IFT122: variants seen among roughly 807,000 people sequenced by gnomAD.
The protein encoded by IFT122 is intraflagellar transport protein 122 homolog.
In IFT122, 118 loss-of-function variants were observed where a neutral mutation model predicts 161.6. The ratio of observed to expected loss-of-function variants is 0.73; its 90% confidence interval spans 0.63 to 0.85. The LOEUF (loss-of-function observed/expected upper bound fraction) is 0.85. IFT122 is among the 40% of genes least tolerant of loss of function. The probability of loss-of-function intolerance (pLI) is 0.00; values close to 1 mark genes in which losing one functional copy is unlikely to be tolerated. For missense variants in IFT122, 1,381 were observed against 1,579.6 expected (o/e 0.87, Z 2.13); for synonymous variants, 550 against 602.4 (o/e 0.91, Z 1.27).
At chr3:129,458,448 C>CTTGGAG in intron 3 of IFT122, 151 bp from the exon 4 acceptor site, 1 of 684,418 alleles carries the variant, frequency 1.5e-6, no homozygotes, top group Non-Finnish European at 2.6e-6. Context: ...AATATTCTGA[C>CTTGGAG]TCCAAGGTCC....
At chr3:129,476,122 T>C in intron 9 of IFT122, 193 bp from the exon 10 acceptor site, 1 of 648,904 alleles carries the variant, frequency 1.5e-6, no homozygotes, top group East Asian at 2.8e-5. Flanking sequence ...TTGGGCTGTG[T>C]AGAGGATGAG....
intron 15 of IFT122, chr3:129,484,027 G>T: frequency 2.5e-6 from 1 of 393,060 alleles, no homozygotes; most frequent in South Asian, 2.1e-5. Flanking sequence ...CCGGCAGGGT[G>T]TGTGTGTGAG....
chr3:129,516,694 GCACACACA>G (rs771398986), intron 26 of IFT122, among the ~76,000 whole-genome samples: 792 of 50,198 alleles, frequency 0.016, 35 homozygotes, highest in African/African-American at 0.077. Flanking sequence ...GATTGCTCCT[GCACACACA>G]CACACACACA....
At chr3:129,516,740 T>C (rs1578204707) in intron 26 of IFT122, among the ~76,000 whole-genome samples, 2 of 74,466 alleles carry the variant, frequency 2.7e-5, no homozygotes, top group African/African-American at 5.9e-5. Context: ...AGACTGCCCC[T>C]GCACACACAC....
Position 129,444,934 on chromosome 3 carries a change from G to C in IFT122, c.41+4563G>C, listed in dbSNP as rs540675120. On this transcript the variant is annotated intron_variant, in intron 1 of 29. Transcript: ENST00000348417. ...AAGCTTTCTGAATTCTTCATGTAAT[G>C]CCTTAAGTAGGTAATAATACCTTTT... Among the ~76,000 whole-genome samples the C allele has an allele frequency of 1.3e-4, 20 of 152,316 alleles. No individual in the cohort carries two copies. In the South Asian group the frequency reaches 4.1e-3, roughly 32 times the overall value.
At chr3:129,440,418 G>A (rs1335520578) in intron 1 of IFT122, 47 bp downstream of exon 1, 2 of 1,546,866 alleles carry the variant, frequency 1.3e-6, no homozygotes, top group Non-Finnish European at 1.7e-6. Context: ...GAGTCCTCGC[G>A]GGGAGTGCGC....
intron 17 of IFT122, among the ~76,000 whole-genome samples, chr3:129,493,215 G>T (rs1461349021): frequency 6.6e-6 from 1 of 152,168 alleles, no homozygotes; most frequent in South Asian, 2.1e-4. Context: ...TATTGTGAAG[G>T]TATGGGAATG....
chr3:129,477,474 A>G (rs1223761839), intron 11 of IFT122, among the ~76,000 whole-genome samples: 1 of 152,106 alleles, frequency 6.6e-6, no homozygotes, highest in Non-Finnish European at 1.5e-5. Context: ...GATTCAGATG[A>G]GTGTCCTTTG....
chr3:129,491,000 C>T (rs974372513), intron 16 of IFT122, among the ~76,000 whole-genome samples: 1 of 152,162 alleles, frequency 6.6e-6, no homozygotes, highest in African/African-American at 2.4e-5. Flanking sequence ...GCTCTTAGCT[C>T]TGGGAGGTGT....
At chr3:129,517,268 G>GCGCGCGCGCGTGCGCGCGCA (rs1553776447) in intron 26 of IFT122, among the ~76,000 whole-genome samples, 17 of 117,002 alleles carry the variant, frequency 1.5e-4, no homozygotes, top group African/African-American at 5.5e-4. Flanking sequence ...CATTGCTCCT[G>GCGCGCGCGCGTGCGCGCGCA]CACACACACA....
At chr3:129,498,984 C>A (rs1659931718) in intron 18 of IFT122, among the ~76,000 whole-genome samples, 1 of 152,220 alleles carries the variant, frequency 6.6e-6, no homozygotes, top group South Asian at 2.1e-4. Context: ...GTAGGGCCAG[C>A]CCAGAGAAGC....
chr3:129,493,428 G>A (rs3774769), intron 17 of IFT122, among the ~76,000 whole-genome samples: 15,933 of 152,210 alleles, frequency 0.1, 1,289 homozygotes, highest in African/African-American at 0.22. Flanking sequence ...TGCCACATGC[G>A]TGATTTATGT....
At chr3:129,482,797 A>G (rs1456139663) in intron 14 of IFT122, among the ~76,000 whole-genome samples, 1 of 152,156 alleles carries the variant, frequency 6.6e-6, no homozygotes, top group Non-Finnish European at 1.5e-5. Flanking sequence ...ATTGCCCCTT[A>G]CAGAATTGCT....
chr3:129,468,608 T>C (rs2077047544), intron 8 of IFT122, among the ~76,000 whole-genome samples: 1 of 152,166 alleles, frequency 6.6e-6, no homozygotes, highest in African/African-American at 2.4e-5. Context: ...CCTCCCAAAG[T>C]GCTGGAATTA....
chr3:129,490,076 A>T (rs1333668528), intron 16 of IFT122, among the ~76,000 whole-genome samples: 8 of 152,096 alleles, frequency 5.3e-5, no homozygotes, highest in Non-Finnish European at 1.2e-4. Context: ...TTGCCCAGGC[A>T]GGTCTTGAAC....
intron 1 of IFT122, among the ~76,000 whole-genome samples, chr3:129,449,554 C>T (rs1014094297): frequency 1.3e-5 from 2 of 152,190 alleles, no homozygotes; most frequent in Non-Finnish European, 2.9e-5. Flanking sequence ...CACATTCTCT[C>T]ATGTTGTCTA....
At chr3:129,516,206 G>A (rs1035505119) in intron 26 of IFT122, among the ~76,000 whole-genome samples, 45 of 51,614 alleles carry the variant, frequency 8.7e-4, no homozygotes, top group Admixed American at 4.2e-3. Flanking sequence ...GCACACACAC[G>A]GAGACTGCCT....
intron 15 of IFT122, 188 bp from the exon 16 acceptor site, chr3:129,488,069 G>A: frequency 1.2e-6 from 1 of 830,136 alleles, no homozygotes; most frequent in South Asian, 1.6e-5. Context: ...CCAGTCATGA[G>A]AGAGGTGCAG....
At chr3:129,452,910 A>G (rs1236948398) in intron 3 of IFT122, among the ~76,000 whole-genome samples, 1 of 152,084 alleles carries the variant, frequency 6.6e-6, no homozygotes, top group African/African-American at 2.4e-5. Flanking sequence ...CAGACTCTGG[A>G]TATAATGGGA....
Sources: gnomAD v4.1 joint callset for allele counts (sites outside exome capture counted in the v4.1 genomes callset) on GRCh38, gnomAD v4.1.1 for gene constraint, MANE v1.5 for transcripts, NCBI Gene and HGNC (gene_info 2026-07-23, HGNC 2026-07-21) for gene names.